The following GRK4 variants were observed in gnomAD, a reference collection of about 807,000 sequenced individuals.
GRK4 encodes the protein G protein-coupled receptor kinase 2-like.
GRK4 carries 73 observed loss-of-function variants against 77.9 expected under a neutral mutation model. The observed-to-expected ratio is 0.94, with a 90% CI of 0.78 to 1.14. GRK4 has a LOEUF of 1.14. Among genes scored for constraint, GRK4 ranks in the 50% most tolerant of loss-of-function variants. The pLI is 0.00. For synonymous variants in GRK4, 257 were observed against 254.4 expected (o/e 1.01, Z -0.10); for missense variants, 729 against 700.2 (o/e 1.04, Z -0.46).
chr4:3,013,901 A>G, intron 8 of GRK4, 73 bp downstream of exon 8: 2 of 1,472,008 alleles, frequency 1.4e-6, no homozygotes. Flanking sequence ...CATGCCGCTC[A>G]GCTCACGCTC....
chr4:3,030,699 C>T (rs2110059056), intron 12 of GRK4, among the ~76,000 whole-genome samples: 1 of 151,132 alleles, frequency 6.6e-6, no homozygotes, highest in East Asian at 2.0e-4. Flanking sequence ...TCTGCAATAG[C>T]AAGGCCACAG....
At chr4:3,036,096 C>T (rs1291439032) in intron 13 of GRK4, among the ~76,000 whole-genome samples, 3 of 152,262 alleles carry the variant, frequency 2.0e-5, no homozygotes, top group Non-Finnish European at 4.4e-5. Flanking sequence ...GCTGGGATTA[C>T]AGGCATGAGC....
chr4:2,998,839 T>C (rs1187069681), intron 4 of GRK4, among the ~76,000 whole-genome samples: 1 of 152,168 alleles, frequency 6.6e-6, no homozygotes, highest in Non-Finnish European at 1.5e-5. Flanking sequence ...ACTACCATTT[T>C]TTTTTTTGCA....
chr4:2,981,412 C>G (rs1435228026), intron 1 of GRK4, among the ~76,000 whole-genome samples: 1 of 152,144 alleles, frequency 6.6e-6, no homozygotes, highest in Non-Finnish European at 1.5e-5. Context: ...CTCAGGAGAC[C>G]CAAAATGGGT....
chr4:3,025,430 C>T (rs1358261816), intron 10 of GRK4, among the ~76,000 whole-genome samples: 3 of 139,858 alleles, frequency 2.1e-5, no homozygotes, highest in African/African-American at 5.4e-5. Flanking sequence ...TGCTCTGTCG[C>T]CCAGGCTGGT....
At chr4:3,006,149 G>A (rs574806027) in intron 5 of GRK4, among the ~76,000 whole-genome samples, 32 of 152,268 alleles carry the variant, frequency 2.1e-4, no homozygotes, top group Admixed American at 7.2e-4. Context: ...GGAGGCCGAC[G>A]TGGGTGGATC....
At chr4:2,965,645 G>C in intron 1 of GRK4, 1 of 595,040 alleles carries the variant, frequency 1.7e-6, no homozygotes, top group Non-Finnish European at 3.0e-6. Flanking sequence ...GGAGAGTCCA[G>C]CCTGGGCAAA....
At chr4:2,967,763 A>G (rs940041575) in intron 1 of GRK4, among the ~76,000 whole-genome samples, 1 of 150,826 alleles carries the variant, frequency 6.6e-6, no homozygotes, top group African/African-American at 2.4e-5. Flanking sequence ...ATAGGTTCAT[A>G]GATCATATTG....
intron 1 of GRK4, among the ~76,000 whole-genome samples, chr4:2,967,625 C>G (rs977057527): frequency 3.3e-5 from 5 of 152,180 alleles, no homozygotes; most frequent in African/African-American, 7.2e-5. Context: ...TCTTGAACTC[C>G]TGACCTCAAG....
chr4:2,964,129 G>A lies in GRK4; in HGVS notation c.52+7G>A, dbSNP rs1434400845. On this transcript the variant is annotated splice_region_variant and intron_variant, in intron 1 of 15. Transcript: ENST00000398052. ...CTGCTGAAAGCGCGTCAAGGTGGGT[G>A]CGCGGCAGGCGCCCCCGACCCCCCC... is the stretch of plus-strand genomic sequence containing the variant. 2 of 1,591,930 alleles carry A rather than the reference G, an allele frequency of 1.3e-6. No individual in the cohort carries two copies. The highest frequency in any genetic ancestry group is 1.1e-5 in the South Asian group (1 of 88,392).
intron 7 of GRK4, among the ~76,000 whole-genome samples, chr4:3,012,836 T>C (rs1733290592): frequency 6.6e-6 from 1 of 152,148 alleles, no homozygotes; most frequent in Admixed American, 6.5e-5. Context: ...ACATTTTAAA[T>C]TAAAAAATCA....
chr4:3,005,904 G>GA (rs1246483999), intron 5 of GRK4, among the ~76,000 whole-genome samples: 1 of 152,068 alleles, frequency 6.6e-6, no homozygotes, highest in Non-Finnish European at 1.5e-5. Context: ...GAGCTGGGTG[G>GA]TTTAGATGCT....
intron 8 of GRK4, among the ~76,000 whole-genome samples, chr4:3,015,423 C>T (rs1005017287): frequency 6.6e-6 from 1 of 152,242 alleles, no homozygotes; most frequent in Non-Finnish European, 1.5e-5. Context: ...CGGTGGCTCA[C>T]GCCTGTAATC....
chr4:2,984,294 C>T (rs1723626306), intron 1 of GRK4, among the ~76,000 whole-genome samples: 1 of 152,192 alleles, frequency 6.6e-6, no homozygotes, highest in African/African-American at 2.4e-5. Context: ...ACCATGGCTT[C>T]TAAATGGCAG....
At chr4:3,035,617 T>A (rs1740405001) in intron 13 of GRK4, 94 bp downstream of exon 13, 3 of 1,386,830 alleles carry the variant, frequency 2.2e-6, no homozygotes, top group Admixed American at 4.6e-5. Context: ...AGATGGGGGG[T>A]CTCACTGTGT....
At chr4:2,983,326 G>A (rs1578037478) in intron 1 of GRK4, among the ~76,000 whole-genome samples, 1 of 152,272 alleles carries the variant, frequency 6.6e-6, no homozygotes. Flanking sequence ...TGGAGTCTTA[G>A]TCACCCAGCC....
chr4:3,027,850 A>G, intron 10 of GRK4, 62 bp from the exon 11 acceptor site: 1 of 1,382,676 alleles, frequency 7.2e-7, no homozygotes, highest in Non-Finnish European at 1.0e-6. Context: ...TCCCATTTTA[A>G]TTGTTGTTAC....
chr4:2,992,181 A>T, intron 3 of GRK4, 34 bp from the exon 4 acceptor site: 1 of 1,507,908 alleles, frequency 6.6e-7, no homozygotes, highest in Non-Finnish European at 9.2e-7. Flanking sequence ...ACCCAGCTTA[A>T]CTGTTCTTTC....
chr4:2,964,962 C>G (rs1717066073), intron 1 of GRK4, among the ~76,000 whole-genome samples: 1 of 151,904 alleles, frequency 6.6e-6, no homozygotes, highest in Admixed American at 6.6e-5. Context: ...AAAAAGAGGA[C>G]AAATATCTGT....
Sources: allele counts gnomAD v4.1 joint callset (sites outside exome capture counted in the v4.1 genomes callset), GRCh38; gene constraint gnomAD v4.1.1; transcripts MANE v1.5; gene names NCBI Gene and HGNC (gene_info 2026-07-23, HGNC 2026-07-21).